ZMYND8: variants seen among roughly 807,000 people sequenced by gnomAD.
ZMYND8 encodes MYND-type zinc finger-containing chromatin reader ZMYND8.
A neutral mutation model predicts 140.8 loss-of-function variants in ZMYND8; 37 were observed. The observed-to-expected ratio is 0.26, with a 90% CI of 0.20 to 0.35. ZMYND8 has a LOEUF of 0.35. Among genes scored for constraint, ZMYND8 ranks in the 10% least tolerant of loss-of-function variants. ZMYND8 has a pLI of 1.00. For synonymous variants in ZMYND8, 592 were observed against 597.1 expected, an observed-to-expected ratio of 0.99 and a Z score of 0.12; for missense variants, 1,068 against 1,570.0, an observed-to-expected ratio of 0.68 and a Z score of 5.40.
chr20:47,221,918 C>G (rs988377005), intron 19 of ZMYND8, among the ~76,000 whole-genome samples: 1 of 152,186 alleles, frequency 6.6e-6, no homozygotes, highest in Non-Finnish European at 1.5e-5. Flanking sequence ...CCACCCACCT[C>G]GGCCTCCCAA....
At chr20:47,225,027 AC>A (rs1433517660) in intron 18 of ZMYND8, among the ~76,000 whole-genome samples, 3 of 152,196 alleles carry the variant, frequency 2.0e-5, no homozygotes, top group Non-Finnish European at 4.4e-5. Context: ...CGGGGTAAGT[AC>A]TACTATTCTA....
intron 2 of ZMYND8, chr20:47,320,706 A>C (rs1301207827): frequency 6.6e-6 from 1 of 152,280 alleles, no homozygotes; most frequent in East Asian, 1.9e-4. Context: ...CCGGGGTGAC[A>C]GAGCAAGATG....
At chr20:47,344,959 A>T (rs561739581) in intron 2 of ZMYND8, among the ~76,000 whole-genome samples, 53 of 151,962 alleles carry the variant, frequency 3.5e-4, no homozygotes, top group East Asian at 3.3e-3. Context: ...CAAAAAAAAA[A>T]TTTTTTTAAT....
At chr20:47,337,231 A>T (rs1050684008) in intron 2 of ZMYND8, among the ~76,000 whole-genome samples, 5 of 152,150 alleles carry the variant, frequency 3.3e-5, no homozygotes, top group African/African-American at 1.2e-4. Flanking sequence ...AGGCGCCTGT[A>T]ACCCCAGCTA....
At chr20:47,312,961 A>C (rs2079055455) in intron 2 of ZMYND8, among the ~76,000 whole-genome samples, 1 of 152,164 alleles carries the variant, frequency 6.6e-6, no homozygotes, top group Non-Finnish European at 1.5e-5. Context: ...CACATTCTAC[A>C]AACATAGTGG....
chr20:47,256,764 C>G (rs1284971043), intron 12 of ZMYND8, among the ~76,000 whole-genome samples: 1 of 152,088 alleles, frequency 6.6e-6, no homozygotes, highest in African/African-American at 2.4e-5. Flanking sequence ...AAAGAAAGCC[C>G]GACTTCCAAG....
At chr20:47,248,318 G>T (rs2073897029) in intron 13 of ZMYND8, among the ~76,000 whole-genome samples, 1 of 152,210 alleles carries the variant, frequency 6.6e-6, no homozygotes. Flanking sequence ...CTGCATGGAA[G>T]GACCCAAGAG....
intron 10 of ZMYND8, among the ~76,000 whole-genome samples, chr20:47,277,003 T>C (rs1350747364): frequency 6.6e-6 from 1 of 151,790 alleles, no homozygotes; most frequent in African/African-American, 2.4e-5. Context: ...ACAACAAAAC[T>C]TCGGCGAAAA....
intron 14 of ZMYND8, among the ~76,000 whole-genome samples, chr20:47,244,823 G>C (rs144807375): frequency 4.6e-5 from 7 of 152,206 alleles, no homozygotes; most frequent in African/African-American, 1.7e-4. Context: ...TTAGGAGGCC[G>C]AGCTGGGTGG....
chr20:47,315,844 C>A (rs2079347663), intron 2 of ZMYND8, among the ~76,000 whole-genome samples: 1 of 152,150 alleles, frequency 6.6e-6, no homozygotes, highest in African/African-American at 2.4e-5. Context: ...AACCCTCTGC[C>A]TCTCACCCAT....
intron 2 of ZMYND8, among the ~76,000 whole-genome samples, chr20:47,328,667 T>C (rs1016507042): frequency 4.6e-5 from 7 of 152,262 alleles, no homozygotes; most frequent in African/African-American, 1.7e-4. Flanking sequence ...TTTCACCATC[T>C]TGGCCAGGCT....
intron 2 of ZMYND8, among the ~76,000 whole-genome samples, chr20:47,322,221 C>A (rs1487044245): frequency 6.6e-6 from 1 of 151,864 alleles, no homozygotes; most frequent in Non-Finnish European, 1.5e-5. Context: ...GGTAAAGCGG[C>A]TATTAAGTAC....
intron 10 of ZMYND8, among the ~76,000 whole-genome samples, chr20:47,280,124 CAA>C (rs72091806): frequency 1.2e-4 from 11 of 90,832 alleles, no homozygotes; most frequent in Non-Finnish European, 1.2e-4. Flanking sequence ...GACTCTGCTC[CAA>C]AAAAAAAAAA....
intron 2 of ZMYND8, among the ~76,000 whole-genome samples, chr20:47,327,237 A>C (rs2080508455): frequency 6.6e-6 from 1 of 151,816 alleles, no homozygotes; most frequent in South Asian, 2.1e-4. Flanking sequence ...GCTGGTCTCC[A>C]ACTCCCGACC....
In ZMYND8 at chr20:47,356,480, C is replaced by T. The variant is rs1217184466; in HGVS notation, c.14+177G>A. Reference sequence around the variant, plus strand: ...TGCAAAATCAAGCTATGGCTAATGGCTACTGAGCCATGTGACCCAAGAAAG... The same window carrying T: ...TGCAAAATCAAGCTATGGCTAATGGTTACTGAGCCATGTGACCCAAGAAAG... On this transcript the variant is annotated intron_variant, in intron 1 of 22. Transcript: ENST00000471951. 3 of 1,582,464 alleles carry T rather than the reference C, an allele frequency of 1.9e-6. No individual in the cohort carries two copies. In the African/African-American group the frequency reaches 4.1e-5, roughly 21 times the overall value.
intron 11 of ZMYND8, among the ~76,000 whole-genome samples, chr20:47,265,461 G>A (rs913715150): frequency 1.4e-5 from 2 of 145,644 alleles, no homozygotes; most frequent in Non-Finnish European, 3.0e-5. Context: ...TTTGTTTTGA[G>A]ACAAAGTCTT....
chr20:47,312,527 C>G (rs1454585378), intron 2 of ZMYND8, among the ~76,000 whole-genome samples: 1 of 152,146 alleles, frequency 6.6e-6, no homozygotes, highest in Non-Finnish European at 1.5e-5. Flanking sequence ...GAGCCCAAAG[C>G]GCTGGACCAA....
At chr20:47,349,991 G>A in intron 1 of ZMYND8, 1 of 1,505,516 alleles carries the variant, frequency 6.6e-7, no homozygotes, top group East Asian at 2.5e-5. Flanking sequence ...GAATGCTGCT[G>A]AGAGACGAGG....
intron 3 of ZMYND8, among the ~76,000 whole-genome samples, chr20:47,301,685 T>C (rs974087464): frequency 6.6e-6 from 1 of 152,108 alleles, no homozygotes; most frequent in Non-Finnish European, 1.5e-5. Context: ...CCTTAAGTTT[T>C]TGAGCACTAA....
Sources: allele counts gnomAD v4.1 joint callset (sites outside exome capture counted in the v4.1 genomes callset), GRCh38; gene constraint gnomAD v4.1.1; transcripts MANE v1.5; gene names NCBI Gene and HGNC (gene_info 2026-07-23, HGNC 2026-07-21).